KCNH7: variants seen among roughly 807,000 people sequenced by gnomAD.
KCNH7 encodes the protein voltage-gated inwardly rectifying potassium channel KCNH7.
KCNH7 carries 49 observed loss-of-function variants against 120.8 expected under a neutral mutation model. The ratio of observed to expected loss-of-function variants is 0.41; its 90% CI spans 0.32 to 0.51. KCNH7 has a LOEUF of 0.51. Ranked by LOEUF, KCNH7 falls within the 20% of genes least tolerant of loss-of-function variation. The pLI is 0.38. For missense variants in KCNH7, 1,097 were observed against 1,446.6 expected, an observed-to-expected ratio of 0.76 and a Z score of 3.92; for synonymous variants, 547 against 516.1, an observed-to-expected ratio of 1.06 and a Z score of -0.81.
intron 2 of KCNH7, among the ~76,000 whole-genome samples, chr2:162,704,472 C>T (rs933978071): frequency 3.9e-5 from 6 of 152,144 alleles, no homozygotes; most frequent in Admixed American, 3.3e-4. Flanking sequence ...ATAGAAATTA[C>T]AGCATCTGTT....
At position 162,838,639 on chromosome 2, in the gene KCNH7, A is replaced by C; in HGVS notation, c.-121T>G. ...CTTTGTGGCAGAGCATCCTCTTTTG[A>C]AACCAGAATTCTCTTCCCATTAGCA... On this transcript the variant is annotated 5_prime_UTR_variant, in exon 1 of 16. Coordinates refer to ENST00000332142, the MANE Select transcript of KCNH7 (RefSeq NM_033272.4). The C allele has an allele frequency of 2.8e-6, 2 of 711,210 alleles. No individual in the cohort carries two copies. Among genetic ancestry groups the C allele is most frequent in the East Asian group, 5.4e-5 (2 of 37,148 alleles). The allele number at this position is 711,210 out of a possible 1,614,324, so 44.1% of individuals were successfully genotyped here.
chr2:162,467,069 C>T (rs990536936), intron 6 of KCNH7, among the ~76,000 whole-genome samples: 13 of 152,048 alleles, frequency 8.5e-5, no homozygotes, highest in African/African-American at 2.9e-4. Context: ...AGGCTTTGTT[C>T]TGGGAATTCA....
chr2:162,613,433 A>G (rs1033396125), intron 2 of KCNH7, among the ~76,000 whole-genome samples: 2 of 152,024 alleles, frequency 1.3e-5, no homozygotes, highest in African/African-American at 4.8e-5. Flanking sequence ...CCTCAGGCAA[A>G]TGAAAAAATT....
chr2:162,458,879 G>T (rs1410494107), intron 6 of KCNH7, among the ~76,000 whole-genome samples: 1 of 151,870 alleles, frequency 6.6e-6, no homozygotes, highest in Non-Finnish European at 1.5e-5. Flanking sequence ...GATGGCATGT[G>T]CCTGTGGTCT....
intron 2 of KCNH7, among the ~76,000 whole-genome samples, chr2:162,644,326 A>T (rs1252793690): frequency 6.6e-6 from 1 of 152,102 alleles, no homozygotes; most frequent in African/African-American, 2.4e-5. Flanking sequence ...TTTTTTAATA[A>T]AGTTGTCCAC....
At chr2:162,558,401 C>T (rs1411951219) in intron 2 of KCNH7, among the ~76,000 whole-genome samples, 1 of 151,876 alleles carries the variant, frequency 6.6e-6, no homozygotes, top group East Asian at 1.9e-4. Flanking sequence ...GTCTCGATCT[C>T]CTGACCTTGT....
chr2:162,683,757 T>C (rs1166820612), intron 2 of KCNH7, among the ~76,000 whole-genome samples: 2 of 151,660 alleles, frequency 1.3e-5, no homozygotes, highest in African/African-American at 4.8e-5. Context: ...TATAAAAAGA[T>C]ATTTTTGAAT....
At chr2:162,460,274 G>T (rs1689103094) in intron 6 of KCNH7, among the ~76,000 whole-genome samples, 1 of 152,026 alleles carries the variant, frequency 6.6e-6, no homozygotes, top group Non-Finnish European at 1.5e-5. Flanking sequence ...TTCGAGAGAA[G>T]AAGACCAAAC....
chr2:162,442,005 T>TTC (rs1688434075), intron 7 of KCNH7, among the ~76,000 whole-genome samples: 2 of 85,276 alleles, frequency 2.3e-5, no homozygotes, highest in South Asian at 9.5e-4. Flanking sequence ...TCTTCTTTTT[T>TTC]TTTTTTTTTT....
At chr2:162,495,638 T>C (rs1419463453) in intron 6 of KCNH7, among the ~76,000 whole-genome samples, 2 of 152,172 alleles carry the variant, frequency 1.3e-5, no homozygotes. Context: ...AGAAAAATTG[T>C]TTCAAAACTT....
At chr2:162,627,998 G>A (rs1378731693) in intron 2 of KCNH7, among the ~76,000 whole-genome samples, 11 of 152,004 alleles carry the variant, frequency 7.2e-5, no homozygotes, top group African/African-American at 1.4e-4. Flanking sequence ...AAAGAATGAC[G>A]AATTATAGTT....
intron 14 of KCNH7, among the ~76,000 whole-genome samples, chr2:162,375,435 A>C (rs1397649894): frequency 6.6e-6 from 1 of 152,202 alleles, no homozygotes; most frequent in African/African-American, 2.4e-5. Flanking sequence ...GAAAAAATCT[A>C]TTGGAAGGTG....
chr2:162,632,695 A>G (rs1462034720), intron 2 of KCNH7, among the ~76,000 whole-genome samples: 2 of 151,874 alleles, frequency 1.3e-5, no homozygotes, highest in East Asian at 1.9e-4. Context: ...ATAAATACAT[A>G]TAAATATATG....
chr2:162,669,967 G>C (rs1306846844), intron 2 of KCNH7, among the ~76,000 whole-genome samples: 1 of 151,984 alleles, frequency 6.6e-6, no homozygotes, highest in Non-Finnish European at 1.5e-5. Flanking sequence ...AGGTGTGGTG[G>C]AGCGTGCCTG....
chr2:162,838,629 T>A lies in KCNH7; in HGVS notation c.-111A>T. The A allele has an allele frequency of 3.8e-6, 3 of 785,366 alleles. No homozygotes were observed. The highest frequency in any genetic ancestry group is 6.2e-6 in the Non-Finnish European group (3 of 484,084). 48.6% of individuals were successfully genotyped at this position (785,366 alleles called of 1,614,324 possible). ...GCGAGCCGCTCTTTGTGGCAGAGCA[T>A]CCTCTTTTGAAACCAGAATTCTCTT... On this transcript the variant is annotated 5_prime_UTR_variant, in exon 1 of 16. It removes an upstream start codon present in the reference 5' UTR. Coordinates refer to ENST00000332142, the MANE Select transcript of KCNH7 (RefSeq NM_033272.4).
intron 9 of KCNH7, among the ~76,000 whole-genome samples, chr2:162,402,392 TG>T (rs1687091697): frequency 6.9e-6 from 1 of 145,754 alleles, no homozygotes; most frequent in African/African-American, 2.5e-5. Context: ...CCACTTTGCT[TG>T]GGGGCCAGCA....
intron 2 of KCNH7, among the ~76,000 whole-genome samples, chr2:162,598,780 T>C (rs1186384713): frequency 6.6e-6 from 1 of 152,186 alleles, no homozygotes; most frequent in East Asian, 1.9e-4. Flanking sequence ...TTTATTGCTT[T>C]ACAGAAGGAA....
At chr2:162,388,756 C>T (rs999530785) in intron 12 of KCNH7, among the ~76,000 whole-genome samples, 4 of 151,990 alleles carry the variant, frequency 2.6e-5, no homozygotes, top group Admixed American at 1.3e-4. Context: ...TGAAGAAACA[C>T]TTTTAAAACT....
chr2:162,521,619 T>C (rs190794430), intron 3 of KCNH7, among the ~76,000 whole-genome samples: 21 of 152,012 alleles, frequency 1.4e-4, no homozygotes, highest in African/African-American at 4.8e-4. Flanking sequence ...TATTATTAAT[T>C]ATTATGGATA....
Sources: allele counts gnomAD v4.1 joint callset (sites outside exome capture counted in the v4.1 genomes callset), GRCh38; gene constraint gnomAD v4.1.1; transcripts MANE v1.5; gene names NCBI Gene and HGNC (gene_info 2026-07-23, HGNC 2026-07-21).